LRRC49: variants seen among roughly 807,000 people sequenced by gnomAD.
The protein encoded by LRRC49 is leucine-rich repeat-containing protein 49.
In LRRC49, 50 loss-of-function variants were observed where a neutral mutation model predicts 83.3. The ratio of observed to expected loss-of-function variants is 0.60; its 90% confidence interval spans 0.48 to 0.76. LRRC49 has a LOEUF of 0.76. Ranked by LOEUF, LRRC49 falls within the 30% of genes least tolerant of loss-of-function variation. The probability of loss-of-function intolerance (pLI) is 0.00; values close to 1 mark genes in which losing one functional copy is unlikely to be tolerated. For synonymous variants in LRRC49, 286 were observed against 283.3 expected, an observed-to-expected ratio of 1.01 and a Z score of -0.10; for missense variants, 704 against 809.1, an observed-to-expected ratio of 0.87 and a Z score of 1.58.
intron 9 of LRRC49, among the ~76,000 whole-genome samples, chr15:70,969,082 C>T (rs2036898199): frequency 6.6e-6 from 1 of 152,058 alleles, no homozygotes; most frequent in Admixed American, 6.6e-5. Flanking sequence ...AATGGTATTG[C>T]CTAGGTTTTC....
intron 9 of LRRC49, among the ~76,000 whole-genome samples, chr15:70,977,664 T>A (rs960248943): frequency 8.5e-5 from 13 of 152,110 alleles, no homozygotes; most frequent in Admixed American, 6.5e-5. Context: ...AAATAATAAT[T>A]ATTATTATTT....
intron 14 of LRRC49, among the ~76,000 whole-genome samples, chr15:71,021,302 G>C (rs2141276946): frequency 6.6e-6 from 1 of 152,322 alleles, no homozygotes; most frequent in Non-Finnish European, 1.5e-5. Flanking sequence ...CTGGGATGGA[G>C]ATAAATATAG....
At chr15:70,963,660 G>A (rs1053754556) in intron 8 of LRRC49, 125 bp from the exon 9 acceptor site, 1 of 1,007,014 alleles carries the variant, frequency 9.9e-7, no homozygotes. Flanking sequence ...GGGTATAGGG[G>A]AACTCTGTAC....
chr15:71,027,826 A>C (rs1211887093), intron 14 of LRRC49, among the ~76,000 whole-genome samples: 1 of 152,200 alleles, frequency 6.6e-6, no homozygotes, highest in Non-Finnish European at 1.5e-5. Context: ...GTTGCTTATC[A>C]GCTTAAGGAG....
intron 5 of LRRC49, chr15:70,907,732 G>A (rs994764498): frequency 5.4e-5 from 16 of 297,754 alleles, no homozygotes; most frequent in South Asian, 1.2e-4. Flanking sequence ...TGTGGCCTGC[G>A]GAGACAGGCT....
intron 1 of LRRC49, chr15:70,859,469 T>G (rs931983693): frequency 5.7e-6 from 4 of 706,446 alleles, no homozygotes; most frequent in Non-Finnish European, 1.1e-5. Flanking sequence ...CAACAGCTAC[T>G]TCCTGGACAC....
intron 11 of LRRC49, among the ~76,000 whole-genome samples, chr15:71,002,707 A>G (rs1171158988): frequency 1.3e-5 from 2 of 152,160 alleles, no homozygotes; most frequent in Non-Finnish European, 2.9e-5. Context: ...CCACTTATTC[A>G]TTGGGAAAAG....
intron 2 of LRRC49, among the ~76,000 whole-genome samples, chr15:70,877,865 C>T (rs1409640480): frequency 6.6e-6 from 1 of 152,204 alleles, no homozygotes; most frequent in African/African-American, 2.4e-5. Context: ...CGCGGTGGCT[C>T]ACGCCTGTAA....
chr15:71,040,430 C>T (rs886117332), intron 15 of LRRC49, among the ~76,000 whole-genome samples: 1 of 152,066 alleles, frequency 6.6e-6, no homozygotes, highest in Non-Finnish European at 1.5e-5. Context: ...AGGGGTTTTG[C>T]AGACATGATT....
In LRRC49 at chr15:71,049,793, A is replaced by T; in HGVS notation, c.*181A>T. 1 of 547,846 alleles carries T rather than the reference A, an allele frequency of 1.8e-6. No individual in the cohort carries two copies. The highest frequency in any genetic ancestry group is 3.2e-6 in the Non-Finnish European group (1 of 314,114). 33.9% of individuals were successfully genotyped at this position (547,846 alleles called of 1,614,324 possible). ...AAGAAGGAAGGAAGGAAAGCAGGAG[A>T]AAGGAAGGATTAATTGCCTGTATGT... On this transcript the variant is annotated 3_prime_UTR_variant, in exon 16 of 16. Transcript: ENST00000260382.
At chr15:70,895,641 A>T (rs367689734) in intron 2 of LRRC49, 3 of 452,834 alleles carry the variant, frequency 6.6e-6, no homozygotes, top group African/African-American at 4.1e-5. Context: ...CTTCCCTTAA[A>T]TGCCTGGAAG....
chr15:70,929,853 G>T lies in LRRC49; in HGVS notation c.712-6908G>T, dbSNP rs192506618. ...GTGACTCCTCATCTATTCAAGTTTGGTCATGAGATTGCAGCCATTCAGTCA... is the reference window on the plus strand; with the variant it reads ...GTGACTCCTCATCTATTCAAGTTTGTTCATGAGATTGCAGCCATTCAGTCA... On this transcript the variant is annotated intron_variant, in intron 7 of 15. Coordinates refer to ENST00000260382, the MANE Select transcript of LRRC49 (RefSeq NM_017691.5). 3.1e-4 allele frequency among the ~76,000 whole-genome samples: 47 copies of T among 152,214 alleles called. 1 individual carries two copies. Among genetic ancestry groups the T allele is most frequent in the African/African-American group, 1.1e-3 (45 of 41,538 alleles).
intron 11 of LRRC49, among the ~76,000 whole-genome samples, chr15:70,992,581 C>T (rs1250307938): frequency 6.6e-6 from 1 of 152,176 alleles, no homozygotes; most frequent in Admixed American, 6.5e-5. Flanking sequence ...CACTCCAGAC[C>T]TTGTTTGCCC....
chr15:70,974,136 A>T (rs1435359390), intron 9 of LRRC49, among the ~76,000 whole-genome samples: 1 of 152,150 alleles, frequency 6.6e-6, no homozygotes, highest in Non-Finnish European at 1.5e-5. Context: ...AAAAAAATAA[A>T]ATAATAAAAT....
At chr15:70,949,810 T>C (rs1249502739) in intron 8 of LRRC49, among the ~76,000 whole-genome samples, 2 of 152,294 alleles carry the variant, frequency 1.3e-5, no homozygotes, top group Middle Eastern at 3.4e-3. Flanking sequence ...ATTTTGTTTT[T>C]ATTTATTTTT....
intron 9 of LRRC49, among the ~76,000 whole-genome samples, chr15:70,972,863 G>T (rs1330158336): frequency 1.3e-5 from 2 of 151,980 alleles, no homozygotes; most frequent in African/African-American, 4.8e-5. Flanking sequence ...CTCTAAACTG[G>T]TTATTCTTGT....
intron 9 of LRRC49, among the ~76,000 whole-genome samples, chr15:70,974,529 A>G (rs376362255): frequency 1.3e-5 from 2 of 152,174 alleles, no homozygotes; most frequent in African/African-American, 4.8e-5. Flanking sequence ...ATTCTGGTAA[A>G]GTATGTGAAT....
chr15:71,049,141 A>G (rs891230257), intron 15 of LRRC49, among the ~76,000 whole-genome samples: 1 of 152,186 alleles, frequency 6.6e-6, no homozygotes, highest in African/African-American at 2.4e-5. Context: ...TTATGATTCA[A>G]CAATTCCAGT....
chr15:70,892,190 G>T, upstream of LRRC49: 1 of 1,608,778 alleles, frequency 6.2e-7, no homozygotes, highest in Admixed American at 1.7e-5. Flanking sequence ...CAGCCGCACG[G>T]CCCGGTCCTT....
Sources: gnomAD v4.1 joint callset for allele counts (sites outside exome capture counted in the v4.1 genomes callset) on GRCh38, gnomAD v4.1.1 for gene constraint, MANE v1.5 for transcripts, NCBI Gene and HGNC (gene_info 2026-07-23, HGNC 2026-07-21) for gene names.